Variants in RCAN1 observed in about 807,000 individuals in gnomAD.
The protein encoded by RCAN1 is calcipressin-1.
A neutral mutation model predicts 22.9 loss-of-function variants in RCAN1; 11 were observed. The observed-to-expected ratio is 0.48, with a 90% confidence interval of 0.30 to 0.79. The LOEUF (loss-of-function observed/expected upper bound fraction) is 0.79. Ranked by LOEUF, RCAN1 falls within the 30% of genes least tolerant of loss-of-function variation. The probability of loss-of-function intolerance (pLI) is 0.06; values close to 1 mark genes in which losing one functional copy is unlikely to be tolerated. For synonymous variants in RCAN1, 136 were observed against 142.3 expected (o/e 0.96, Z 0.32); for missense variants, 291 against 337.8 (o/e 0.86, Z 1.09).
chr21:34,549,604 C>T (rs1261582822), intron 1 of RCAN1, among the ~76,000 whole-genome samples: 1 of 152,104 alleles, frequency 6.6e-6, no homozygotes, highest in East Asian at 1.9e-4. Flanking sequence ...AAATATTTGC[C>T]TTGTTTTTAA....
intron 1 of RCAN1, among the ~76,000 whole-genome samples, chr21:34,588,330 G>A (rs1215458094): frequency 1.3e-5 from 2 of 152,120 alleles, no homozygotes; most frequent in Middle Eastern, 6.3e-3. Flanking sequence ...AGCTGGGGAG[G>A]GACATGAAGG....
chr21:34,577,736 C>T (rs1271601881), intron 1 of RCAN1, among the ~76,000 whole-genome samples: 2 of 152,154 alleles, frequency 1.3e-5, no homozygotes, highest in Non-Finnish European at 2.9e-5. Context: ...AGTGACTGAA[C>T]CAAGGCAGTT....
intron 1 of RCAN1, among the ~76,000 whole-genome samples, chr21:34,566,740 C>G (rs1984302): frequency 6.6e-6 from 1 of 152,072 alleles, no homozygotes; most frequent in Non-Finnish European, 1.5e-5. Context: ...CAAGCACGCA[C>G]CAGCTCTGCT....
chr21:34,612,255 T>C (rs541642087), intron 1 of RCAN1, among the ~76,000 whole-genome samples: 1 of 152,198 alleles, frequency 6.6e-6, no homozygotes, highest in South Asian at 2.1e-4. Flanking sequence ...ATCCTTACCA[T>C]GGCCCCAGGG....
chr21:34,545,571 A>G (rs1295332424), intron 1 of RCAN1, among the ~76,000 whole-genome samples: 1 of 152,196 alleles, frequency 6.6e-6, no homozygotes, highest in Non-Finnish European at 1.5e-5. Flanking sequence ...GGCCAGGCAC[A>G]AAGATCCTTT....
intron 1 of RCAN1, among the ~76,000 whole-genome samples, chr21:34,581,144 CTAAA>C (rs1313721363): frequency 1.3e-5 from 2 of 150,242 alleles, no homozygotes; most frequent in African/African-American, 4.9e-5. Flanking sequence ...ACTGGAAAGT[CTAAA>C]TAACTAAAAT....
chr21:34,519,677 A>C (rs1984348601), intron 3 of RCAN1, among the ~76,000 whole-genome samples: 1 of 151,994 alleles, frequency 6.6e-6, no homozygotes, highest in African/African-American at 2.4e-5. Flanking sequence ...GATTACAGGC[A>C]TGAGCCACCG....
chr21:34,601,915 C>T (rs1350263253), intron 1 of RCAN1, among the ~76,000 whole-genome samples: 1 of 151,878 alleles, frequency 6.6e-6, no homozygotes, highest in Admixed American at 6.6e-5. Context: ...TTCACACTCA[C>T]TGCACTCTCA....
rs866208555 is a variant in RCAN1 at position 34,605,913 on chromosome 21, C to T, written c.252+8847G>A. Among the ~76,000 whole-genome samples, 537 of 99,194 alleles carry T rather than the reference C, an allele frequency of 5.4e-3. 5 individuals carry two copies. Among genetic ancestry groups the T allele is most frequent in the African/African-American group, 0.02 (502 of 25,228 alleles). The allele number at this position is 99,194 out of a possible 152,430, so 65.1% of individuals were successfully genotyped here. A position where few individuals can be genotyped will look rare whatever the true frequency, so the allele number is the denominator to read the frequency against. ...CCAGCCTGGGCAACAGAGCAAGACT[C>T]GGTCTCAGAAAAAAAAAAAAAAAAA... is the stretch of plus-strand genomic sequence containing the variant. On this transcript the variant is annotated intron_variant, in intron 1 of 3. Transcript: ENST00000313806.
At position 34,521,060 on chromosome 21, in the gene RCAN1, C is replaced by G. The variant is rs1047383167; in HGVS notation, c.586+439G>C. 7.1e-5 allele frequency: 86 copies of G among 1,206,744 alleles called. 1 individual carries two copies. The highest frequency in any genetic ancestry group is 8.2e-6 in the Non-Finnish European group (8 of 971,130). The allele number at this position is 1,206,744 out of a possible 1,614,324, so 74.8% of individuals were successfully genotyped here. On this transcript the variant is annotated intron_variant, in intron 3 of 3. Coordinates refer to ENST00000313806, the MANE Select transcript of RCAN1 (RefSeq NM_004414.7). ...CTCCTTCCCTTTTCCTTTAAGAAGG[C>G]CAGGTGAGAATCACAGGAAAGGGAG... is the stretch of plus-strand genomic sequence containing the variant.
Position 34,517,873 on chromosome 21 carries a change from C to T in RCAN1, c.*211G>A. On this transcript the variant is annotated 3_prime_UTR_variant, in exon 4 of 4. Coordinates refer to ENST00000313806, the MANE Select transcript of RCAN1 (RefSeq NM_004414.7). The stretch of plus-strand genomic sequence containing the variant: ...GATCACCACAAACTCAGTGATTGGC[C>T]CAAGTCATTCCCGGGTGCCATGAAC... 1.7e-6 allele frequency: 1 copy of T among 601,474 alleles called. No individual in the cohort carries two copies. Among genetic ancestry groups the T allele is most frequent in the South Asian group, 2.0e-5 (1 of 49,056 alleles). 37.3% of individuals were successfully genotyped at this position (601,474 alleles called of 1,614,324 possible). A position where few individuals can be genotyped will look rare whatever the true frequency, so the allele number is the denominator to read the frequency against.
intron 1 of RCAN1, among the ~76,000 whole-genome samples, chr21:34,550,292 A>C (rs778529702): frequency 6.6e-6 from 1 of 152,230 alleles, no homozygotes; most frequent in Non-Finnish European, 1.5e-5. Context: ...CAGTTTTGCA[A>C]ATTCAAAGTG....
intron 1 of RCAN1, among the ~76,000 whole-genome samples, chr21:34,544,848 G>A (rs961521678): frequency 6.6e-6 from 1 of 152,228 alleles, no homozygotes; most frequent in Non-Finnish European, 1.5e-5. Context: ...ACAGCAGTGC[G>A]AGGGACGCAC....
At chr21:34,603,722 G>A (rs771500853) in intron 1 of RCAN1, among the ~76,000 whole-genome samples, 2 of 152,164 alleles carry the variant, frequency 1.3e-5, no homozygotes, top group Non-Finnish European at 2.9e-5. Context: ...ATGAAATGGG[G>A]AAATAATAGT....
chr21:34,539,473 C>G (rs1405827660), intron 1 of RCAN1, among the ~76,000 whole-genome samples: 3 of 152,162 alleles, frequency 2.0e-5, no homozygotes, highest in Admixed American at 6.5e-5. Context: ...TAGAAGACTC[C>G]TGTGTTTTTC....
chr21:34,607,133 T>C (rs1008297272), intron 1 of RCAN1, among the ~76,000 whole-genome samples: 1 of 152,244 alleles, frequency 6.6e-6, no homozygotes, highest in Non-Finnish European at 1.5e-5. Context: ...GGAAAAGTAC[T>C]GGACCTTTCC....
At chr21:34,525,584 A>G in intron 1 of RCAN1, 1 of 445,680 alleles carries the variant, frequency 2.2e-6, no homozygotes, top group Non-Finnish European at 3.8e-6. Context: ...ACTTTGAAGA[A>G]TATTTTTAGA....
intron 1 of RCAN1, among the ~76,000 whole-genome samples, chr21:34,608,525 A>G (rs1000158927): frequency 6.6e-6 from 1 of 152,170 alleles, no homozygotes; most frequent in Non-Finnish European, 1.5e-5. Context: ...CAGCCCCCAC[A>G]CAAGTGAGCC....
At chr21:34,596,249 G>A (rs1268617961) in intron 1 of RCAN1, among the ~76,000 whole-genome samples, 1 of 152,206 alleles carries the variant, frequency 6.6e-6, no homozygotes, top group Non-Finnish European at 1.5e-5. Context: ...TCCAACAGGT[G>A]ACCTCCAGTA....
Sources: gnomAD v4.1 joint callset for allele counts (sites outside exome capture counted in the v4.1 genomes callset) on GRCh38, gnomAD v4.1.1 for gene constraint, MANE v1.5 for transcripts, NCBI Gene and HGNC (gene_info 2026-07-23, HGNC 2026-07-21) for gene names.